Variants in FBXL18 observed in about 807,000 individuals in gnomAD.
FBXL18 encodes F-box and leucine rich repeat protein 18.
A neutral mutation model predicts 46.0 loss-of-function variants in FBXL18; 36 were observed. The observed-to-expected ratio is 0.78, with a 90% CI of 0.60 to 1.03. The LOEUF is 1.03. FBXL18 is among the 50% of genes least tolerant of loss of function. The pLI is 0.00. For missense variants in FBXL18, 977 were observed against 1,004.1 expected, an observed-to-expected ratio of 0.97 and a Z score of 0.36; for synonymous variants, 557 against 465.3, an observed-to-expected ratio of 1.20 and a Z score of -2.54.
intron 4 of FBXL18, among the ~76,000 whole-genome samples, chr7:5,485,218 A>G (rs892180331): frequency 2.0e-5 from 3 of 152,164 alleles, no homozygotes; most frequent in Non-Finnish European, 2.9e-5. Flanking sequence ...GGGTGATGTG[A>G]GAAGGTGCCA....
intron 4 of FBXL18, among the ~76,000 whole-genome samples, chr7:5,461,391 T>C (rs1303247957): frequency 6.7e-6 from 1 of 148,600 alleles, no homozygotes; most frequent in Admixed American, 6.7e-5. Context: ...ACATACTCGG[T>C]TGATACAAAA....
rs1246877485 is a variant in FBXL18, at chr7:5,478,530, T to A, written c.*3245A>T. ...CCGGGAAGGGGGTCAGGAGAATAAA[T>A]AGCAGCTAGGTGTGGGGTGAGCTGG... On this transcript the variant is annotated 3_prime_UTR_variant, in exon 5 of 5. Transcript: ENST00000382368. 6.6e-6 allele frequency: 1 copy of A among 152,276 alleles called. No individual in the cohort carries two copies. The highest frequency in any genetic ancestry group is 2.4e-5 in the African/African-American group (1 of 41,306). The allele number at this position is 152,276 out of a possible 1,614,324, so 9.4% of individuals were successfully genotyped here.
chr7:5,470,158 C>T (rs780573360), intron 4 of FBXL18, among the ~76,000 whole-genome samples: 8 of 152,146 alleles, frequency 5.3e-5, no homozygotes, highest in East Asian at 1.9e-4. Context: ...CGCTGGGGCA[C>T]CTCCCCTGCC....
chr7:5,463,265 T>C (rs1584182204), intron 4 of FBXL18, among the ~76,000 whole-genome samples: 1 of 151,720 alleles, frequency 6.6e-6, no homozygotes, highest in East Asian at 1.9e-4. Flanking sequence ...TGTTGCCGTA[T>C]GACTTAGCAA....
intron 4 of FBXL18, among the ~76,000 whole-genome samples, chr7:5,463,720 A>ATATATT (rs1440019641): frequency 1.7e-4 from 11 of 63,286 alleles, no homozygotes; most frequent in Non-Finnish European, 2.6e-4. Context: ...TTATTTATTT[A>ATATATT]TTTATTTATT....
chr7:5,491,457 G>T lies in FBXL18; in HGVS notation c.1782-8C>A. ...AAGTAGGGCTGCTCCAGCCTGCGGGGAGAGAGGGCAGCTGTGAGGTCCGAG... is the reference window on the plus strand; with the variant it reads ...AAGTAGGGCTGCTCCAGCCTGCGGGTAGAGAGGGCAGCTGTGAGGTCCGAG... On this transcript the variant is annotated splice_polypyrimidine_tract_variant and splice_region_variant and intron_variant, in intron 3 of 4. Coordinates refer to ENST00000382368, the MANE Select transcript of FBXL18 (RefSeq NM_024963.6). The T allele has an allele frequency of 6.4e-7, 1 of 1,564,290 alleles. No homozygotes were observed.
At chr7:5,482,674 T>G (rs2128234062) in intron 4 of FBXL18, among the ~76,000 whole-genome samples, 1 of 151,990 alleles carries the variant, frequency 6.6e-6, no homozygotes, top group Middle Eastern at 3.4e-3. Flanking sequence ...CAGCGGGCCA[T>G]GAAGCAGAAC....
Position 5,501,344 on chromosome 7 carries a change from G to A in FBXL18, c.925C>T (p.Gln309Ter). The A allele has an allele frequency of 6.2e-7, 1 of 1,614,156 alleles. No individual in the cohort carries two copies. Among genetic ancestry groups the A allele is most frequent in the Middle Eastern group, 1.6e-4 (1 of 6,062 alleles). ...AACGGGTTGTTGAATTTCATGTGCT[G>A]CAGGAGGGAAGAGCCGTTCAGCCAG... is the stretch of plus-strand genomic sequence containing the variant. Reference protein sequence around the residue: ...KSWLNGSSLLQHMKFNNPFYF... With the variant: ...KSWLNGSSLL The change falls in exon 3 of 5, where the codon CAG becomes TAG. Residue 309 changes from glutamine to a stop codon, truncating the protein, a stop_gained. Transcript: ENST00000382368. LOFTEE classifies it high-confidence loss of function.
In FBXL18 at chr7:5,480,320, A is replaced by C. The variant is rs1329172321; in HGVS notation, c.*1455T>G. 6.6e-6 allele frequency: 1 copy of C among 152,186 alleles called. No homozygotes were observed. Among genetic ancestry groups the C allele is most frequent in the Non-Finnish European group, 1.5e-5 (1 of 68,048 alleles). 9.4% of individuals were successfully genotyped at this position (152,186 alleles called of 1,614,324 possible). ...AGCCCCCTTTGGAAGCCACTGGCCCAGGGACAGCTCTAGGAGCGCCTGGAG... is the reference window on the plus strand; with the variant it reads ...AGCCCCCTTTGGAAGCCACTGGCCCCGGGACAGCTCTAGGAGCGCCTGGAG... On this transcript the variant is annotated 3_prime_UTR_variant, in exon 5 of 5. Transcript: ENST00000382368.
At position 5,480,427 on chromosome 7, in the gene FBXL18, CTTTG is replaced by C. The variant is rs1030841199; in HGVS notation, c.*1344_*1347del. The C allele has an allele frequency of 6.6e-6, 1 of 151,614 alleles. No homozygotes were observed. Among genetic ancestry groups the C allele is most frequent in the African/African-American group, 2.4e-5 (1 of 41,180 alleles). The allele number at this position is 151,614 out of a possible 1,614,324, so 9.4% of individuals were successfully genotyped here. On this transcript the variant is annotated 3_prime_UTR_variant, in exon 5 of 5. Transcript: ENST00000382368. ...GAGGATGTCCTCATTTTTGGAATAA[CTTTG>C]TTTTTTTCTCTTTCTTTTTCAGAGA...
At chr7:5,489,050 C>G (rs1160944519) in intron 4 of FBXL18, 3 of 300,828 alleles carry the variant, frequency 1.0e-5, no homozygotes, top group Non-Finnish European at 2.0e-5. Context: ...CCCAGGCTGC[C>G]CCCCTGGTTC....
At chr7:5,513,398 G>C (rs531987206) in intron 1 of FBXL18, among the ~76,000 whole-genome samples, 36 of 152,286 alleles carry the variant, frequency 2.4e-4, no homozygotes, top group African/African-American at 8.4e-4. Flanking sequence ...GGGACGGAGA[G>C]ACGGGGACAA....
At chr7:5,507,303 C>G (rs889995106) in intron 1 of FBXL18, among the ~76,000 whole-genome samples, 1 of 152,122 alleles carries the variant, frequency 6.6e-6, no homozygotes, top group African/African-American at 2.4e-5. Context: ...ACTCTGACTG[C>G]GACAGTCCTT....
rs1463788924 is a variant in FBXL18 at position 5,481,706 on chromosome 7, G to A, written c.*69C>T. 2.6e-6 allele frequency: 4 copies of A among 1,551,910 alleles called. No individual in the cohort carries two copies. The highest frequency in any genetic ancestry group is 2.7e-5 in the African/African-American group (2 of 73,468). On this transcript the variant is annotated 3_prime_UTR_variant, in exon 5 of 5. Coordinates refer to ENST00000382368, the MANE Select transcript of FBXL18 (RefSeq NM_024963.6). ...CCCCTTCCTCTTGTGACAAACCAAG[G>A]GTCCCTGGCGTCCCAGGCTCCTGCA...
At chr7:5,497,497 C>A (rs1294052979) in intron 3 of FBXL18, among the ~76,000 whole-genome samples, 1 of 152,216 alleles carries the variant, frequency 6.6e-6, no homozygotes, top group African/African-American at 2.4e-5. Flanking sequence ...TGATCCTGCG[C>A]TTCTCAACCC....
intron 4 of FBXL18, among the ~76,000 whole-genome samples, chr7:5,457,714 C>T (rs1783191586): frequency 6.6e-6 from 1 of 152,198 alleles, no homozygotes. Context: ...CTGTGGTGCC[C>T]CAAGTGGCCC....
At chr7:5,495,976 C>T (rs771501865) in intron 3 of FBXL18, 1 of 445,548 alleles carries the variant, frequency 2.2e-6, no homozygotes, top group Non-Finnish European at 4.8e-6. Context: ...GCCCACAAAA[C>T]CCACAAAACC....
chr7:5,471,641 A>G (rs1424379342), downstream of FBXL18, among the ~76,000 whole-genome samples: 1 of 152,136 alleles, frequency 6.6e-6, no homozygotes, highest in Non-Finnish European at 1.5e-5. Flanking sequence ...CGATCTCCTG[A>G]CCTCATGATC....
At position 5,476,206 on chromosome 7, in the gene FBXL18, AC is replaced by A; in HGVS notation, c.*5568del. ...GGCACGCACATGCTTGCCCATGAAC[AC>A]CCCCCGGGCACACACACACCCTTGC... On this transcript the variant is annotated 3_prime_UTR_variant, in exon 5 of 5. Coordinates refer to ENST00000382368, the MANE Select transcript of FBXL18 (RefSeq NM_024963.6). The A allele has an allele frequency of 6.7e-6, 1 of 150,292 alleles. No homozygotes were observed. The highest frequency in any genetic ancestry group is 1.5e-5 in the Non-Finnish European group (1 of 67,848). The allele number at this position is 150,292 out of a possible 1,614,324, so 9.3% of individuals were successfully genotyped here.
Sources: gnomAD v4.1 joint callset for allele counts (sites outside exome capture counted in the v4.1 genomes callset) on GRCh38, gnomAD v4.1.1 for gene constraint, MANE v1.5 for transcripts, NCBI Gene and HGNC (gene_info 2026-07-23, HGNC 2026-07-21) for gene names.